CD226: variants seen among roughly 807,000 people sequenced by gnomAD.
CD226 encodes the protein CD226 molecule.
CD226 carries 24 observed loss-of-function variants against 34.9 expected under a neutral mutation model. The ratio of observed to expected loss-of-function variants is 0.69; its 90% CI spans 0.50 to 0.97. CD226 has a LOEUF of 0.97. Ranked by LOEUF, CD226 falls within the 50% of genes least tolerant of loss-of-function variation. CD226 has a pLI of 0.00. For missense variants in CD226, 397 were observed against 412.7 expected, an observed-to-expected ratio of 0.96 and a Z score of 0.33; for synonymous variants, 148 against 147.4, an observed-to-expected ratio of 1.00 and a Z score of -0.03.
intron 3 of CD226, among the ~76,000 whole-genome samples, chr18:69,892,223 G>A (rs186670395): frequency 6.6e-6 from 1 of 152,314 alleles, no homozygotes; most frequent in Non-Finnish European, 1.5e-5. Flanking sequence ...TTCTGCAAGA[G>A]CTGATTTTAT....
intron 2 of CD226, among the ~76,000 whole-genome samples, chr18:69,937,549 A>G (rs1306767046): frequency 6.6e-6 from 1 of 152,152 alleles, no homozygotes; most frequent in Non-Finnish European, 1.5e-5. Flanking sequence ...CTCTCTCCCA[A>G]TATTCTACAT....
At chr18:69,864,590 C>A in intron 5 of CD226, 151 bp from the exon 6 acceptor site, 1 of 753,786 alleles carries the variant, frequency 1.3e-6, no homozygotes, top group East Asian at 2.7e-5. Context: ...TTGTATTGAA[C>A]TTCTGTTGGA....
At chr18:69,902,215 CCT>C in intron 2 of CD226, among the ~76,000 whole-genome samples, 1 of 152,240 alleles carries the variant, frequency 6.6e-6, no homozygotes, top group South Asian at 2.1e-4. Context: ...CTCTCTCTCA[CCT>C]CTAAACGGGA....
chr18:69,880,844 T>C (rs1043271348), intron 3 of CD226, among the ~76,000 whole-genome samples: 4 of 151,892 alleles, frequency 2.6e-5, no homozygotes, highest in African/African-American at 4.8e-5. Context: ...AGAGATGGGG[T>C]TTCACCATGT....
rs1984969130 is a variant in CD226 at position 69,892,592 on chromosome 18, T to TA, written c.727+3108_727+3109insT. 2.6e-5 allele frequency among the ~76,000 whole-genome samples: 4 copies of TA among 152,288 alleles called. No individual in the cohort carries two copies. The South Asian group carries it at 8.3e-4, about 32-fold the overall frequency. The stretch of plus-strand genomic sequence containing the variant: ...CTCAGCAAAGAAAGTCAGTGGTAAA[T>TA]GTGAGTTCAGTTCTTGCTTCTGCCA... On this transcript the variant is annotated intron_variant, in intron 3 of 5. Coordinates refer to ENST00000582621, the MANE Select transcript of CD226 (RefSeq NM_001303618.2).
At chr18:69,864,783 G>A (rs998084827) in intron 5 of CD226, among the ~76,000 whole-genome samples, 6 of 152,040 alleles carry the variant, frequency 3.9e-5, no homozygotes, top group Non-Finnish European at 8.8e-5. Flanking sequence ...TAAAAAATAA[G>A]CAACTTAACA....
chr18:69,880,360 G>GAAA (rs1984167599), intron 3 of CD226, among the ~76,000 whole-genome samples: 2 of 65,068 alleles, frequency 3.1e-5, no homozygotes, highest in South Asian at 1.5e-3. Context: ...AAGAAAGAAA[G>GAAA]GAAGGAAGGA....
intron 2 of CD226, among the ~76,000 whole-genome samples, chr18:69,928,043 A>T (rs1213226415): frequency 6.6e-6 from 1 of 152,260 alleles, no homozygotes; most frequent in Non-Finnish European, 1.5e-5. Flanking sequence ...GCTATGAAAT[A>T]TGCAGAAAAG....
At chr18:69,954,397 C>T (rs2145385312) in intron 1 of CD226, among the ~76,000 whole-genome samples, 1 of 152,262 alleles carries the variant, frequency 6.6e-6, no homozygotes, top group South Asian at 2.1e-4. Flanking sequence ...GCTTATTAAA[C>T]AAATGCCAAA....
At position 69,896,012 on chromosome 18, in the gene CD226, T is replaced by A. The variant is rs1396571323; in HGVS notation, c.416A>T (p.His139Leu). ...ATTCTTTCCAGGTTCCGAAACAATG[T>A]GGCTATTTGATGGCACAGCTGCCTC... ...SFEAAVPSNS[H>L]IVSEPGKNVT... The change falls in exon 3 of 6, where the codon CAC (histidine) becomes CTC (leucine). Residue 139 changes from histidine (H) to leucine (L), a missense_variant. By Grantham distance (99) the His-to-Leu change is moderately conservative. Transcript: ENST00000582621. 2 of 1,612,072 alleles carry A rather than the reference T, an allele frequency of 1.2e-6. No homozygotes were observed. The highest frequency in any genetic ancestry group is 2.7e-5 in the African/African-American group (2 of 74,912).
At position 69,955,732 on chromosome 18, in the gene CD226, G is replaced by C. The variant is rs1417529743; in HGVS notation, c.-28+1023C>G. On this transcript the variant is annotated intron_variant, in intron 1 of 6. Coordinates refer to the CD226 transcript ENST00000280200. ...CAAAAAATTAGCCGGGTGTGGTAGC[G>C]GGCACCTGTAGTCCCAGCTACTCAG... 2.6e-5 allele frequency among the ~76,000 whole-genome samples: 4 copies of C among 151,794 alleles called. No homozygotes were observed. In the East Asian group the frequency reaches 7.8e-4, roughly 29 times the overall value.
chr18:69,880,349 AAAGAAAGAAAGGAAGG>A (rs1336475772), intron 3 of CD226, among the ~76,000 whole-genome samples: 6 of 80,260 alleles, frequency 7.5e-5, no homozygotes, highest in Admixed American at 1.4e-4. Flanking sequence ...AGAAAGAAAG[AAAGAAAGAAAGGAAGG>A]AAGGAAGGAA....
chr18:69,957,350 C>CTTTT (rs11373057), upstream of CD226, among the ~76,000 whole-genome samples: 1 of 149,460 alleles, frequency 6.7e-6, no homozygotes, highest in Non-Finnish European at 1.5e-5. Context: ...TCTAGATACT[C>CTTTT]TTTTTTTTTT....
intron 2 of CD226, among the ~76,000 whole-genome samples, chr18:69,896,504 G>A (rs1279187432): frequency 6.6e-6 from 1 of 152,160 alleles, no homozygotes; most frequent in Non-Finnish European, 1.5e-5. Context: ...TCTTGTAAGA[G>A]AAAGGGTTTT....
At chr18:69,938,310 C>T (rs1050112675) in intron 2 of CD226, among the ~76,000 whole-genome samples, 1 of 152,198 alleles carries the variant, frequency 6.6e-6, no homozygotes, top group African/African-American at 2.4e-5. Flanking sequence ...CTCTCCCCCT[C>T]TTTTCTCTAT....
At position 69,859,909 on chromosome 18, in the gene CD226, C is replaced by A. The variant is rs1253149211; in HGVS notation, c.*4405G>T. 6.6e-6 allele frequency: 1 copy of A among 152,004 alleles called. No individual in the cohort carries two copies. The highest frequency in any genetic ancestry group is 1.5e-5 in the Non-Finnish European group (1 of 68,026). The allele number at this position is 152,004 out of a possible 1,614,324, so 9.4% of individuals were successfully genotyped here. A position where few individuals can be genotyped will look rare whatever the true frequency, so the allele number is the denominator to read the frequency against. ...CCAACGTGGAGAAACCCCGTCTCCACTAAAAATACAAAATTAGCCAGGCAT... is the reference window on the plus strand; with the variant it reads ...CCAACGTGGAGAAACCCCGTCTCCAATAAAAATACAAAATTAGCCAGGCAT... On this transcript the variant is annotated 3_prime_UTR_variant, in exon 6 of 6. Transcript: ENST00000582621.
At chr18:69,887,851 G>T (rs1984651247) in intron 3 of CD226, among the ~76,000 whole-genome samples, 1 of 152,072 alleles carries the variant, frequency 6.6e-6, no homozygotes, top group Non-Finnish European at 1.5e-5. Flanking sequence ...TATAAAAGTT[G>T]CACCAAAAAA....
chr18:69,914,275 T>C (rs73464753), intron 2 of CD226, among the ~76,000 whole-genome samples: 105 of 152,304 alleles, frequency 6.9e-4, no homozygotes, highest in African/African-American at 2.4e-3. Flanking sequence ...CTGCTTCAAG[T>C]CAATCACCTC....
At chr18:69,893,384 A>T (rs1057015689) in intron 3 of CD226, among the ~76,000 whole-genome samples, 1 of 152,238 alleles carries the variant, frequency 6.6e-6, no homozygotes, top group African/African-American at 2.4e-5. Flanking sequence ...GATGAATGAC[A>T]TTTTTATTAA....
Sources: gnomAD v4.1 joint callset for allele counts (sites outside exome capture counted in the v4.1 genomes callset) on GRCh38, gnomAD v4.1.1 for gene constraint, MANE v1.5 for transcripts, NCBI Gene and HGNC (gene_info 2026-07-23, HGNC 2026-07-21) for gene names.